Variants in ADGRG5 observed in about 807,000 individuals in gnomAD.
ADGRG5 encodes the protein adhesion G protein-coupled receptor G5.
In ADGRG5, 37 loss-of-function variants were observed where a neutral mutation model predicts 53.2. The ratio of observed to expected loss-of-function variants is 0.70; its 90% CI spans 0.53 to 0.91. ADGRG5 has a LOEUF of 0.91. ADGRG5 is among the 40% of genes least tolerant of loss of function. The pLI is 0.00. For missense variants in ADGRG5, 614 were observed against 675.8 expected (o/e 0.91, Z 1.01); for synonymous variants, 277 against 290.4 (o/e 0.95, Z 0.47).
chr16:57,536,917 C>T, the ADGRG5 span, among the ~76,000 whole-genome samples: 2,202 of 152,300 alleles, frequency 0.014, 42 homozygotes, highest in African/African-American at 0.051. Context: ...CGGGTCCCAG[C>T]TCGGCACGTG....
At chr16:57,570,622 G>A in intron 10 of ADGRG5, 87 bp downstream of exon 10, 1 of 957,774 alleles carries the variant, frequency 1.0e-6, no homozygotes, top group Non-Finnish European at 1.7e-6. Context: ...TATCCTGTAG[G>A]CAAAGCACTG....
intron 1 of ADGRG5, among the ~76,000 whole-genome samples, chr16:57,560,944 T>C (rs2146790698): frequency 6.6e-6 from 1 of 152,204 alleles, no homozygotes; most frequent in African/African-American, 2.4e-5. Flanking sequence ...ACCCAGCTAA[T>C]TTTTGTTTTC....
rs1404447323 is a variant in ADGRG5, at chr16:57,566,694, C to T, written c.642C>T (p.Pro214=). 5.0e-6 allele frequency: 8 copies of T among 1,591,182 alleles called. No individual in the cohort carries two copies. The highest frequency in any genetic ancestry group is 6.8e-6 in the Non-Finnish European group (8 of 1,169,876). ...WSPEGCRTEQ[P]SHSQVLCRCN... is the part of the protein sequence containing the mutation. ...CTGAGGGCTGTCGTACAGAGCAGCC[C>T]TCCCACTCTCAGGTGCTCTGCCGCT... The change falls in exon 7 of 12, where the codon CCC becomes CCT. Residue 214 remains proline (P), a synonymous_variant. Coordinates refer to ENST00000349457, the MANE Select transcript of ADGRG5 (RefSeq NM_001304376.3).
Position 57,562,055 on chromosome 16 carries a change from G to C in ADGRG5, c.-38-1G>C. 6.7e-7 allele frequency: 1 copy of C among 1,502,356 alleles called. No homozygotes were observed. Among genetic ancestry groups the C allele is most frequent in the Non-Finnish European group, 8.9e-7 (1 of 1,118,384 alleles). 93.1% of individuals were successfully genotyped at this position (1,502,356 alleles called of 1,614,324 possible). A position where few individuals can be genotyped will look rare whatever the true frequency, so the allele number is the denominator to read the frequency against. ...ATGGTGATGGCATGCACCTTTTTCA[G>C]GGCCGGAGCCAGTTCTTGGAGGAGA... On this transcript the variant is annotated splice_acceptor_variant, in intron 1 of 11. Transcript: ENST00000349457. LOFTEE classifies it low-confidence loss of function (5UTR_SPLICE).
chr16:57,547,166 A>G (rs2032638206), intron 1 of ADGRG5, among the ~76,000 whole-genome samples: 1 of 152,132 alleles, frequency 6.6e-6, no homozygotes, highest in South Asian at 2.1e-4. Context: ...TCCTATTAAA[A>G]TATTTGTGTT....
intron 1 of ADGRG5, among the ~76,000 whole-genome samples, chr16:57,558,986 C>G (rs141572371): frequency 6.6e-6 from 1 of 151,202 alleles, no homozygotes; most frequent in Non-Finnish European, 1.5e-5. Context: ...GCTGGGACTA[C>G]AGGTGTACAC....
chr16:57,547,622 T>A (rs989523328), intron 1 of ADGRG5, among the ~76,000 whole-genome samples: 6 of 152,132 alleles, frequency 3.9e-5, no homozygotes, highest in Non-Finnish European at 7.4e-5. Flanking sequence ...TTTTTTTGTA[T>A]TTTTAGTAGA....
intron 10 of ADGRG5, among the ~76,000 whole-genome samples, chr16:57,571,168 A>C (rs888441869): frequency 8.6e-5 from 13 of 152,032 alleles, no homozygotes; most frequent in African/African-American, 3.1e-4. Context: ...CCCATCACTC[A>C]CTTGCAGTTG....
intron 10 of ADGRG5, among the ~76,000 whole-genome samples, chr16:57,572,710 A>T (rs2033396327): frequency 6.6e-6 from 1 of 152,242 alleles, no homozygotes; most frequent in African/African-American, 2.4e-5. Context: ...AACAAAACAA[A>T]TACAACCCTT....
chr16:57,546,645 A>G (rs2032627786), intron 1 of ADGRG5, among the ~76,000 whole-genome samples: 1 of 152,052 alleles, frequency 6.6e-6, no homozygotes, highest in South Asian at 2.1e-4. Flanking sequence ...ATGTATCTGT[A>G]TTTTCTCTTT....
Position 57,555,891 on chromosome 16 carries a change from C to A in ADGRG5, c.-38-6165C>A, listed in dbSNP as rs146189876. 3.6e-3 allele frequency among the ~76,000 whole-genome samples: 551 copies of A among 152,258 alleles called. 5 individuals are homozygous for A. Among genetic ancestry groups the A allele is most frequent in the South Asian group, 0.036 (172 of 4,824 alleles). The stretch of plus-strand genomic sequence containing the variant: ...ATCATGGGGACAGATTTCCCCCTTG[C>A]TGTTCTCCTGATAGTGAGTGAGTTC... On this transcript the variant is annotated intron_variant, in intron 1 of 11. Transcript: ENST00000349457.
chr16:57,572,052 C>T (rs567080151), intron 10 of ADGRG5, among the ~76,000 whole-genome samples: 1 of 152,120 alleles, frequency 6.6e-6, no homozygotes, highest in African/African-American at 2.4e-5. Context: ...CCAGCTTCTC[C>T]CTGGGTCTTC....
intron 2 of ADGRG5, 53 bp downstream of exon 2, chr16:57,562,210 G>A (rs2033021033): frequency 2.6e-6 from 4 of 1,533,250 alleles, no homozygotes; most frequent in Non-Finnish European, 3.6e-6. Flanking sequence ...GTGGGACTGT[G>A]ATGCAAAAGG....
intron 1 of ADGRG5, among the ~76,000 whole-genome samples, chr16:57,560,920 G>A (rs1468174167): frequency 6.6e-6 from 1 of 152,114 alleles, no homozygotes; most frequent in East Asian, 1.9e-4. Flanking sequence ...GGAGACACAA[G>A]TGCAGGCCAC....
At chr16:57,542,441 G>A (rs2032506198), upstream of ADGRG5, 1 of 152,332 alleles carries the variant, frequency 6.6e-6, no homozygotes, top group African/African-American at 2.4e-5. Context: ...GACTCTACGG[G>A]GTGATACCCT....
chr16:57,568,215 G>A (rs571142937), intron 9 of ADGRG5, 91 bp downstream of exon 9: 179 of 1,328,750 alleles, frequency 1.3e-4, no homozygotes, highest in Admixed American at 9.3e-4. Flanking sequence ...CCTCCTCATC[G>A]TCATAGTGGC....
upstream of ADGRG5, among the ~76,000 whole-genome samples, chr16:57,541,621 C>T (rs141164632): frequency 2.2e-4 from 33 of 152,278 alleles, no homozygotes; most frequent in East Asian, 4.4e-3. Flanking sequence ...AGGCAGAGAG[C>T]GGGGAGACCA....
the ADGRG5 span, among the ~76,000 whole-genome samples, chr16:57,533,719 A>G: frequency 6.7e-6 from 1 of 150,244 alleles, no homozygotes; most frequent in Non-Finnish European, 1.5e-5. Flanking sequence ...CAGCCCCGGT[A>G]ATGCACAGAC....
At chr16:57,541,149 C>T (rs534057920), upstream of ADGRG5, among the ~76,000 whole-genome samples, 1 of 152,266 alleles carries the variant, frequency 6.6e-6, no homozygotes, top group East Asian at 1.9e-4. Flanking sequence ...ATCAGGAGTG[C>T]AGGGCTAAGT....
Sources: gnomAD v4.1 joint callset for allele counts (sites outside exome capture counted in the v4.1 genomes callset) on GRCh38, gnomAD v4.1.1 for gene constraint, MANE v1.5 for transcripts, NCBI Gene and HGNC (gene_info 2026-07-23, HGNC 2026-07-21) for gene names.